Variants in APBB1IP observed in about 807,000 individuals in gnomAD.
APBB1IP encodes the protein amyloid beta precursor protein binding family B member 1 interacting protein.
A neutral mutation model predicts 64.9 loss-of-function variants in APBB1IP; 27 were observed. The ratio of observed to expected loss-of-function variants is 0.42; its 90% CI spans 0.31 to 0.57. The LOEUF (loss-of-function observed/expected upper bound fraction) is 0.57. APBB1IP is among the 20% of genes least tolerant of loss of function. APBB1IP has a pLI of 0.20. For missense variants in APBB1IP, 812 were observed against 845.5 expected (o/e 0.96, Z 0.49); for synonymous variants, 392 against 331.0 (o/e 1.18, Z -2.00).
chr10:26,553,854 T>A (rs775337398), intron 11 of APBB1IP, among the ~76,000 whole-genome samples: 1 of 152,168 alleles, frequency 6.6e-6, no homozygotes, highest in East Asian at 1.9e-4. Flanking sequence ...TTTGCATTGA[T>A]GACAGCATCC....
At chr10:26,534,517 C>G (rs1029197192) in intron 9 of APBB1IP, among the ~76,000 whole-genome samples, 1 of 152,064 alleles carries the variant, frequency 6.6e-6, no homozygotes, top group African/African-American at 2.4e-5. Flanking sequence ...CCTCGGCATC[C>G]GGTTCCCACC....
intron 8 of APBB1IP, 64 bp from the exon 9 acceptor site, chr10:26,533,375 T>A: frequency 1.1e-6 from 1 of 927,792 alleles, no homozygotes; most frequent in Non-Finnish European, 1.6e-6. Context: ...AGACTGTGAG[T>A]TCCTTGCAGA....
intron 11 of APBB1IP, among the ~76,000 whole-genome samples, chr10:26,551,417 C>T (rs970035082): frequency 5.3e-5 from 8 of 152,280 alleles, no homozygotes; most frequent in African/African-American, 7.2e-5. Context: ...CGTCCAACTG[C>T]GGTTTCACTC....
intron 2 of APBB1IP, among the ~76,000 whole-genome samples, chr10:26,484,821 AT>A (rs148691307): frequency 0.06 from 9,136 of 152,270 alleles, 895 homozygotes; most frequent in African/African-American, 0.2. Flanking sequence ...ATTGTAACAC[AT>A]TATTGTTATA....
intron 2 of APBB1IP, among the ~76,000 whole-genome samples, chr10:26,491,759 G>GTGTAAGGT (rs1835957372): frequency 8.6e-6 from 1 of 116,582 alleles, no homozygotes; most frequent in Non-Finnish European, 1.7e-5. Flanking sequence ...TTTGTGTAAG[G>GTGTAAGGT]TTTTTTTTTT....
chr10:26,509,642 A>G (rs1836227659), intron 6 of APBB1IP: 1 of 152,230 alleles, frequency 6.6e-6, no homozygotes, highest in Non-Finnish European at 1.5e-5. Context: ...CTCAGAAGCT[A>G]GACAGGGTTA....
intron 11 of APBB1IP, among the ~76,000 whole-genome samples, chr10:26,555,420 C>G (rs762563593): frequency 6.6e-6 from 1 of 152,156 alleles, no homozygotes; most frequent in African/African-American, 2.4e-5. Context: ...AGCATTCTGT[C>G]GCTTCTTCCA....
intron 2 of APBB1IP, among the ~76,000 whole-genome samples, chr10:26,488,241 ATT>A (rs57427674): frequency 2.7e-5 from 4 of 146,490 alleles, no homozygotes; most frequent in African/African-American, 7.5e-5. Context: ...TTTTGTAGGA[ATT>A]TTTTTTTTTT....
chr10:26,456,190 C>T (rs556715916), intron 2 of APBB1IP, among the ~76,000 whole-genome samples: 16 of 152,226 alleles, frequency 1.1e-4, no homozygotes, highest in Non-Finnish European at 2.1e-4. Flanking sequence ...TGTGAATATG[C>T]CAGAACCATT....
In APBB1IP at chr10:26,441,234, G is replaced by T. The variant is rs1016556962; in HGVS notation, c.-1+2381G>T. On this transcript the variant is annotated intron_variant, in intron 2 of 14. Coordinates refer to ENST00000376236, the MANE Select transcript of APBB1IP (RefSeq NM_019043.4). ...AAATTCATGTACATAATAAATGCCAGATTTTAAAGTGTAAGATTTCTACAC... is the reference window on the plus strand; with the variant it reads ...AAATTCATGTACATAATAAATGCCATATTTTAAAGTGTAAGATTTCTACAC... Among the ~76,000 whole-genome samples, 9 of 152,268 alleles carry T rather than the reference G, an allele frequency of 5.9e-5. No homozygotes were observed. The South Asian group carries it at 8.3e-4, about 14-fold the overall frequency.
At chr10:26,499,085 G>A (rs1378215025) in intron 4 of APBB1IP, among the ~76,000 whole-genome samples, 1 of 152,042 alleles carries the variant, frequency 6.6e-6, no homozygotes, top group Non-Finnish European at 1.5e-5. Context: ...GCAACATAAT[G>A]AGACCACTGT....
chr10:26,519,970 A>G, intron 8 of APBB1IP, among the ~76,000 whole-genome samples: 1 of 152,184 alleles, frequency 6.6e-6, no homozygotes. Context: ...CTTCTTGTCT[A>G]AGCCCTGTGC....
chr10:26,541,537 A>G lies in APBB1IP; in HGVS notation c.1045-45A>G, dbSNP rs779012248. ...TGAAGGACAACTCTGGAAAATTGTT[A>G]ACTGTCATCTCAGTTGAAGTTTTAT... On this transcript the variant is annotated intron_variant, in intron 10 of 14. Coordinates refer to ENST00000376236, the MANE Select transcript of APBB1IP (RefSeq NM_019043.4). 1.2e-5 allele frequency: 16 copies of G among 1,310,738 alleles called. No homozygotes were observed. In the East Asian group the frequency reaches 3.7e-4, roughly 31 times the overall value. The allele number at this position is 1,310,738 out of a possible 1,614,324, so 81.2% of individuals were successfully genotyped here. A position where few individuals can be genotyped will look rare whatever the true frequency, so the allele number is the denominator to read the frequency against.
chr10:26,487,074 T>G (rs1835900605), intron 2 of APBB1IP, among the ~76,000 whole-genome samples: 1 of 151,706 alleles, frequency 6.6e-6, no homozygotes, highest in African/African-American at 2.4e-5. Context: ...AAAAAGATTC[T>G]AACTCCACCC....
chr10:26,558,436 G>C (rs762432007), intron 11 of APBB1IP, among the ~76,000 whole-genome samples: 3 of 152,112 alleles, frequency 2.0e-5, no homozygotes, highest in Admixed American at 6.6e-5. Context: ...GAATAAGACA[G>C]ATGTAGTTCC....
At chr10:26,467,296 C>T (rs529452540) in intron 2 of APBB1IP, among the ~76,000 whole-genome samples, 1 of 151,976 alleles carries the variant, frequency 6.6e-6, no homozygotes, top group South Asian at 2.1e-4. Flanking sequence ...GTTTTGCCTT[C>T]ACTAATGTAT....
chr10:26,560,255 T>G (rs749851858), intron 12 of APBB1IP, 52 bp downstream of exon 12: 6 of 1,524,494 alleles, frequency 3.9e-6, no homozygotes, highest in Non-Finnish European at 4.6e-6. Context: ...GCCAACTTCC[T>G]GACCTGGGCA....
intron 14 of APBB1IP, among the ~76,000 whole-genome samples, chr10:26,563,635 T>C (rs904938791): frequency 2.0e-5 from 3 of 152,238 alleles, no homozygotes; most frequent in East Asian, 3.9e-4. Context: ...ATATTTCTCT[T>C]GTGTGATTCA....
At chr10:26,520,421 T>A (rs1836388624) in intron 8 of APBB1IP, among the ~76,000 whole-genome samples, 2 of 152,224 alleles carry the variant, frequency 1.3e-5, no homozygotes, top group Non-Finnish European at 1.5e-5. Context: ...TATCAGTTTT[T>A]CTGGAAAATT....
Sources: gnomAD v4.1 joint callset for allele counts (sites outside exome capture counted in the v4.1 genomes callset) on GRCh38, gnomAD v4.1.1 for gene constraint, MANE v1.5 for transcripts, NCBI Gene and HGNC (gene_info 2026-07-23, HGNC 2026-07-21) for gene names.